Variants in LHFPL6 observed in about 807,000 individuals in gnomAD.
LHFPL6 encodes LHFPL tetraspan subfamily member 6 protein.
Under a neutral mutation model 20.6 loss-of-function variants are expected in LHFPL6, and 9 were observed. The ratio of observed to expected loss-of-function variants is 0.44; its 90% confidence interval spans 0.26 to 0.76. The LOEUF is 0.76. Among genes scored for constraint, LHFPL6 ranks in the 30% least tolerant of loss-of-function variants. The probability of loss-of-function intolerance (pLI) is 0.20; values close to 1 mark genes in which losing one functional copy is unlikely to be tolerated. For synonymous variants in LHFPL6, 105 were observed against 98.7 expected (o/e 1.06, Z -0.38); for missense variants, 218 against 253.5 (o/e 0.86, Z 0.95).
chr13:39,346,447 T>A (rs1869402743), intron 3 of LHFPL6, among the ~76,000 whole-genome samples: 1 of 152,198 alleles, frequency 6.6e-6, no homozygotes, highest in Non-Finnish European at 1.5e-5. Flanking sequence ...TATTAATGCT[T>A]AAATTCTCAT....
chr13:39,476,312 G>A (rs775725121), intron 2 of LHFPL6, among the ~76,000 whole-genome samples: 2 of 152,186 alleles, frequency 1.3e-5, no homozygotes, highest in Admixed American at 6.5e-5. Context: ...TTACAGGCAT[G>A]AGCAACCGCG....
chr13:39,545,526 T>A (rs992448183), intron 2 of LHFPL6, among the ~76,000 whole-genome samples: 1 of 152,006 alleles, frequency 6.6e-6, no homozygotes, highest in Non-Finnish European at 1.5e-5. Context: ...CTCTCTCAGT[T>A]TCATCACCTT....
At chr13:39,386,289 CAAAT>C (rs1321910116) in intron 2 of LHFPL6, among the ~76,000 whole-genome samples, 1 of 152,022 alleles carries the variant, frequency 6.6e-6, no homozygotes, top group African/African-American at 2.4e-5. Flanking sequence ...AACAATAAAA[CAAAT>C]ACAGTGGTGG....
chr13:39,437,727 C>A (rs943588402), intron 2 of LHFPL6, among the ~76,000 whole-genome samples: 1 of 151,936 alleles, frequency 6.6e-6, no homozygotes, highest in Admixed American at 6.6e-5. Flanking sequence ...ACTGTGAAAC[C>A]CCATCTCTAC....
At chr13:39,380,510 GTTT>G (rs56370946) in intron 2 of LHFPL6, among the ~76,000 whole-genome samples, 2 of 133,538 alleles carry the variant, frequency 1.5e-5, no homozygotes. Context: ...GGTGGCATCA[GTTT>G]TTTTTTTTTT....
chr13:39,464,218 C>T (rs1872748883), intron 2 of LHFPL6, among the ~76,000 whole-genome samples: 1 of 152,172 alleles, frequency 6.6e-6, no homozygotes, highest in Admixed American at 6.5e-5. Context: ...AGCATAGAAA[C>T]TCCATGAGGA....
chr13:39,437,941 C>A (rs1872009759), intron 2 of LHFPL6, among the ~76,000 whole-genome samples: 1 of 150,874 alleles, frequency 6.6e-6, no homozygotes, highest in Admixed American at 6.6e-5. Flanking sequence ...AAAGTTTGTA[C>A]CAAGAAGAGG....
chr13:39,562,439 C>CATATAT (rs1566142023), intron 2 of LHFPL6, among the ~76,000 whole-genome samples: 1 of 93,700 alleles, frequency 1.1e-5, no homozygotes, highest in Non-Finnish European at 2.3e-5. Flanking sequence ...TACATATATA[C>CATATAT]ATATATACAC....
chr13:39,504,963 T>G (rs556872415), intron 2 of LHFPL6, among the ~76,000 whole-genome samples: 1 of 152,348 alleles, frequency 6.6e-6, no homozygotes, highest in South Asian at 2.1e-4. Flanking sequence ...TGAATTAAAA[T>G]GAATTTAACT....
intron 2 of LHFPL6, among the ~76,000 whole-genome samples, chr13:39,459,374 T>C (rs1359909609): frequency 6.6e-6 from 1 of 151,998 alleles, no homozygotes; most frequent in Admixed American, 6.6e-5. Flanking sequence ...TTCCTTTCTC[T>C]CTCCTTCCCT....
intron 3 of LHFPL6, among the ~76,000 whole-genome samples, chr13:39,357,099 G>A (rs894994489): frequency 6.6e-6 from 1 of 152,148 alleles, no homozygotes; most frequent in East Asian, 1.9e-4. Context: ...TTGAACCTGG[G>A]AGGTGGAGGT....
At chr13:39,575,536 A>C (rs529649075) in intron 2 of LHFPL6, among the ~76,000 whole-genome samples, 142 of 152,328 alleles carry the variant, frequency 9.3e-4, no homozygotes, top group African/African-American at 3.3e-3. Context: ...AAAATTAAGA[A>C]GTCCAAGTGG....
At chr13:39,480,635 C>A (rs996629923) in intron 2 of LHFPL6, among the ~76,000 whole-genome samples, 1 of 152,132 alleles carries the variant, frequency 6.6e-6, no homozygotes, top group Non-Finnish European at 1.5e-5. Flanking sequence ...CTCATGGGGA[C>A]TCCTTGGTCT....
chr13:39,386,940 T>C (rs1319072012), intron 2 of LHFPL6, among the ~76,000 whole-genome samples: 1 of 152,224 alleles, frequency 6.6e-6, no homozygotes, highest in East Asian at 1.9e-4. Flanking sequence ...ATACTACCAC[T>C]TAAGGTCTAC....
At chr13:39,554,030 T>G (rs1400416559) in intron 2 of LHFPL6, among the ~76,000 whole-genome samples, 1 of 152,258 alleles carries the variant, frequency 6.6e-6, no homozygotes, top group Non-Finnish European at 1.5e-5. Flanking sequence ...TTATACCTTA[T>G]GAAAGGCTCA....
In LHFPL6 at chr13:39,378,466, CG is replaced by C; in HGVS notation, c.445del (p.Arg149GlyfsTer83). On this transcript the variant is annotated frameshift_variant, in exon 3 of 4. Coordinates refer to ENST00000379589, the MANE Select transcript of LHFPL6 (RefSeq NM_005780.3). LOFTEE classifies it high-confidence loss of function. Reference protein sequence around the residue: ...YPLGWDSEEVRQTCGYTSGQF... With the variant: ...YPLGWDSEEVXQTCGYTSGQF... ...GCCAGAAGTGTAGCCACAAGTCTGC[CG>C]GACTTCCTCACTGTCCCAGCCCAAG... The C allele has an allele frequency of 6.2e-7, 1 of 1,613,914 alleles. No homozygotes were observed. Among genetic ancestry groups the C allele is most frequent in the African/African-American group, 1.3e-5 (1 of 74,998 alleles).
chr13:39,559,844 G>A (rs146714935), intron 2 of LHFPL6, among the ~76,000 whole-genome samples: 1 of 152,232 alleles, frequency 6.6e-6, no homozygotes, highest in East Asian at 1.9e-4. Flanking sequence ...AAATCCTTGG[G>A]GAGTACTACG....
chr13:39,377,791 T>A (rs1870328439), intron 3 of LHFPL6, among the ~76,000 whole-genome samples: 1 of 152,260 alleles, frequency 6.6e-6, no homozygotes, highest in Non-Finnish European at 1.5e-5. Context: ...TTTATCAATG[T>A]GCAGACTCTC....
intron 2 of LHFPL6, among the ~76,000 whole-genome samples, chr13:39,574,876 A>AGTC (rs1872061016): frequency 6.6e-6 from 1 of 152,164 alleles, no homozygotes; most frequent in Non-Finnish European, 1.5e-5. Context: ...GTTGGAGACC[A>AGTC]GTCTGGCCAT....
Sources: allele counts gnomAD v4.1 joint callset (sites outside exome capture counted in the v4.1 genomes callset), GRCh38; gene constraint gnomAD v4.1.1; transcripts MANE v1.5; gene names NCBI Gene and HGNC (gene_info 2026-07-23, HGNC 2026-07-21).